Variants in GAST observed in about 807,000 individuals in gnomAD.
GAST encodes gastrin.
In GAST, 9 loss-of-function variants were observed where a neutral mutation model predicts 12.5. The ratio of observed to expected loss-of-function variants is 0.72; its 90% confidence interval spans 0.43 to 1.25. The LOEUF (loss-of-function observed/expected upper bound fraction) is 1.25, where lower values mean the gene tolerates loss of function less well. Ranked by LOEUF, GAST falls within the 50% of genes most tolerant of loss-of-function variation. The probability of loss-of-function intolerance (pLI) is 0.00; values close to 1 mark genes in which losing one functional copy is unlikely to be tolerated. For synonymous variants in GAST, 52 were observed against 51.1 expected, an observed-to-expected ratio of 1.02 and a Z score of -0.08; for missense variants, 121 against 127.7, an observed-to-expected ratio of 0.95 and a Z score of 0.25.
rs149536370 is a variant in GAST, at chr17:41,715,635, C to A, written c.199C>A (p.His67Asn). 603 of 1,613,534 alleles carry A rather than the reference C, an allele frequency of 3.7e-4. 5 individuals are homozygous for A. The South Asian group carries it at 3.8e-3, about 10-fold the overall frequency. ...RRQLGPQGPPHLVADPSKKQG... is the reference protein window; with the variant it reads ...RRQLGPQGPPNLVADPSKKQG... ...GCAGCTGGGACCCCAGGGTCCCCCACACCTCGTGGCAGGTAGGAGCTGCTG... is the reference window on the plus strand; with the variant it reads ...GCAGCTGGGACCCCAGGGTCCCCCAAACCTCGTGGCAGGTAGGAGCTGCTG... Residue 67 changes from histidine to asparagine, a missense_variant, in exon 2 of 3, where the codon CAC becomes AAC. By Grantham distance (68) the His-to-Asn change is moderately conservative. Coordinates refer to ENST00000329402, the MANE Select transcript of GAST (RefSeq NM_000805.5).
chr17:41,713,326 G>A (rs571355028), intron 1 of GAST, among the ~76,000 whole-genome samples: 1 of 152,172 alleles, frequency 6.6e-6, no homozygotes, highest in Non-Finnish European at 1.5e-5. Flanking sequence ...CCAGATCACT[G>A]ATTTTTCAAA....
At position 41,715,758 on chromosome 17, in the gene GAST, C is replaced by A; in HGVS notation, c.212-20C>A. The A allele has an allele frequency of 6.3e-7, 1 of 1,597,690 alleles. No homozygotes were observed. On this transcript the variant is annotated intron_variant, in intron 2 of 2. Transcript: ENST00000329402. ...AAGGTAGGCATCCTTCCCCCATTCT[C>A]GCCTCTCTCACCTCCTCAGACCCGT...
Position 41,715,969 on chromosome 17 carries a change from A to G in GAST, c.*97A>G. The G allele has an allele frequency of 1.1e-6, 1 of 907,684 alleles. No individual in the cohort carries two copies. The highest frequency in any genetic ancestry group is 1.7e-6 in the Non-Finnish European group (1 of 598,526). The allele number at this position is 907,684 out of a possible 1,614,324, so 56.2% of individuals were successfully genotyped here. ...TCAAAAATAAACTAGTTTCCAGTGGATCAATGGACTGTGTCAGTGTTGTAG... is the reference window on the plus strand; with the variant it reads ...TCAAAAATAAACTAGTTTCCAGTGGGTCAATGGACTGTGTCAGTGTTGTAG... On this transcript the variant is annotated 3_prime_UTR_variant, in exon 3 of 3. Coordinates refer to ENST00000329402, the MANE Select transcript of GAST (RefSeq NM_000805.5).
intron 1 of GAST, among the ~76,000 whole-genome samples, chr17:41,714,329 T>C (rs1037183368): frequency 2.6e-5 from 4 of 152,102 alleles, no homozygotes; most frequent in South Asian, 2.1e-4. Context: ...CATGCCACCA[T>C]GCCTGGCTAA....
chr17:41,713,497 C>T (rs1487489968), intron 1 of GAST, among the ~76,000 whole-genome samples: 1 of 151,986 alleles, frequency 6.6e-6, no homozygotes, highest in Non-Finnish European at 1.5e-5. Context: ...TCCAGACCAG[C>T]CTGGGCAACA....
At chr17:41,715,680 T>G (rs782313597) in intron 2 of GAST, 33 bp downstream of exon 2, 1 of 1,606,500 alleles carries the variant, frequency 6.2e-7, no homozygotes, top group Admixed American at 1.7e-5. Context: ...CTTGCCTCAC[T>G]TGGCCAGGTT....
In GAST at chr17:41,715,647, G is replaced by A. The variant is rs1555585803; in HGVS notation, c.211G>A (p.Asp71Asn). The A allele has an allele frequency of 6.2e-7, 1 of 1,613,232 alleles. No homozygotes were observed. Among genetic ancestry groups the A allele is most frequent in the South Asian group, 1.1e-5 (1 of 91,042 alleles). ...GPQGPPHLVA[D>N]PSKKQGPWLE... ...CCAGGGTCCCCCACACCTCGTGGCA[G>A]GTAGGAGCTGCTGACTGCCCTGCTT... The change falls in exon 2 of 3, where the codon GAC becomes AAC. Residue 71 changes from aspartate (D) to asparagine (N), a missense_variant and splice_region_variant. Asp to Asn is a conservative substitution (Grantham distance 23, BLOSUM62 1). Coordinates refer to ENST00000329402, the MANE Select transcript of GAST (RefSeq NM_000805.5).
intron 2 of GAST, 64 bp from the exon 3 acceptor site, chr17:41,715,714 C>T (rs1910964374): frequency 8.1e-6 from 13 of 1,598,104 alleles, no homozygotes; most frequent in Non-Finnish European, 1.1e-5. Flanking sequence ...CCCAGACTGG[C>T]TCTGACTTCA....
chr17:41,713,704 A>T (rs1555585474), intron 1 of GAST, among the ~76,000 whole-genome samples: 1 of 152,158 alleles, frequency 6.6e-6, no homozygotes, highest in East Asian at 1.9e-4. Context: ...CTGTCTCACA[A>T]AAAGAAAAGA....
chr17:41,715,186 G>C (rs1910941104), intron 1 of GAST, among the ~76,000 whole-genome samples: 1 of 152,016 alleles, frequency 6.6e-6, no homozygotes, highest in Admixed American at 6.6e-5. Context: ...TATAGTCACA[G>C]ATATTCTGGA....
At position 41,715,484 on chromosome 17, in the gene GAST, C is replaced by A; in HGVS notation, c.48C>A (p.Ala16=). 1 of 1,613,900 alleles carries A rather than the reference C, an allele frequency of 6.2e-7. No individual in the cohort carries two copies. The highest frequency in any genetic ancestry group is 8.5e-7 in the Non-Finnish European group (1 of 1,180,000). ...TGCTGATCTTTGCACTGGCTCTGGC[C>A]GCCTTCTCTGAAGCTTCTTGGAAGC... ...VYVLIFALAL[A]AFSEASWKPR... The change falls in exon 2 of 3, where the codon GCC becomes GCA. Residue 16 remains alanine, a synonymous_variant. Transcript: ENST00000329402.
intron 1 of GAST, among the ~76,000 whole-genome samples, chr17:41,714,792 C>T (rs189310845): frequency 2.4e-4 from 37 of 152,000 alleles, no homozygotes; most frequent in Non-Finnish European, 4.6e-4. Flanking sequence ...AAATAAATTA[C>T]ATTACTTAAA....
rs781950455 is a variant in GAST, at chr17:41,715,800, A to G, written c.234A>G (p.Pro78=). 2 of 1,611,210 alleles carry G rather than the reference A, an allele frequency of 1.2e-6. No individual in the cohort carries two copies. The highest frequency in any genetic ancestry group is 8.5e-7 in the Non-Finnish European group (1 of 1,179,160). Residue 78 remains proline (P), a synonymous_variant, in exon 3 of 3, where the codon CCA becomes CCG. Transcript: ENST00000329402. ...CAGACCCGTCCAAGAAGCAGGGACCATGGCTGGAGGAAGAAGAAGAAGCCT... is the reference window on the plus strand; with the variant it reads ...CAGACCCGTCCAAGAAGCAGGGACCGTGGCTGGAGGAAGAAGAAGAAGCCT... ...LVADPSKKQG[P]WLEEEEEAYG...
chr17:41,714,924 A>G (rs1440852150), intron 1 of GAST, among the ~76,000 whole-genome samples: 1 of 152,216 alleles, frequency 6.6e-6, no homozygotes, highest in African/African-American at 2.4e-5. Flanking sequence ...GTAAAGAGAA[A>G]AAACACAAGA....
rs1312275118 is a variant in GAST at position 41,715,819 on chromosome 17, G to A, written c.253G>A (p.Glu85Lys). 1 of 1,612,308 alleles carries A rather than the reference G, an allele frequency of 6.2e-7. No individual in the cohort carries two copies. Among genetic ancestry groups the A allele is most frequent in the Non-Finnish European group, 8.5e-7 (1 of 1,179,470 alleles). ...GGGACCATGGCTGGAGGAAGAAGAA[G>A]AAGCCTATGGATGGATGGACTTCGG... ...KQGPWLEEEE[E>K]AYGWMDFGRR... Residue 85 changes from glutamate (E) to lysine (K), a missense_variant, in exon 3 of 3, where the codon GAA (glutamate) becomes AAA (lysine). By Grantham distance (56) the Glu-to-Lys change is moderately conservative. Transcript: ENST00000329402.
rs1555585672 is a variant in GAST, at chr17:41,715,290, A to T, written c.-5-142A>T. ...ACTCCAGCCTGGGCAACAAGAGTGA[A>T]ACTCTGTCTAAAAAAAAAAAAAAGA... On this transcript the variant is annotated intron_variant, in intron 1 of 2. Transcript: ENST00000329402. The T allele has an allele frequency of 1.6e-5, 10 of 630,956 alleles. No individual in the cohort carries two copies. In the South Asian group the frequency reaches 2.0e-4, roughly 13 times the overall value. 39.1% of individuals were successfully genotyped at this position (630,956 alleles called of 1,614,324 possible).
chr17:41,715,397 C>T, intron 1 of GAST, 35 bp from the exon 2 acceptor site: 1 of 1,557,318 alleles, frequency 6.4e-7, no homozygotes, highest in Non-Finnish European at 8.8e-7. Context: ...TGGGGACAGC[C>T]TCACCCTTAA....
chr17:41,715,399 C>T, intron 1 of GAST, 33 bp from the exon 2 acceptor site: 2 of 1,555,278 alleles, frequency 1.3e-6, no homozygotes, highest in Non-Finnish European at 1.8e-6. Context: ...GGGACAGCCT[C>T]ACCCTTAAGC....
At chr17:41,715,738 A>G in intron 2 of GAST, 40 bp from the exon 3 acceptor site, 1 of 1,587,042 alleles carries the variant, frequency 6.3e-7, no homozygotes, top group Non-Finnish European at 8.6e-7. Context: ...CCTGGAAGGT[A>G]GGCATCCTTC....
Sources: allele counts gnomAD v4.1 joint callset (sites outside exome capture counted in the v4.1 genomes callset), GRCh38; gene constraint gnomAD v4.1.1; transcripts MANE v1.5; gene names NCBI Gene and HGNC (gene_info 2026-07-23, HGNC 2026-07-21).